Variants in NLGN1 observed in about 807,000 individuals in gnomAD.
The protein encoded by NLGN1 is neuroligin 1.
NLGN1 carries 12 observed loss-of-function variants against 65.5 expected under a neutral mutation model. The ratio of observed to expected loss-of-function variants is 0.18; its 90% CI spans 0.12 to 0.30. NLGN1 has a LOEUF of 0.30. Ranked by LOEUF, NLGN1 falls within the 10% of genes least tolerant of loss-of-function variation. The pLI is 1.00. For missense variants in NLGN1, 750 were observed against 1,007.1 expected (o/e 0.74, Z 3.46); for synonymous variants, 350 against 359.5 (o/e 0.97, Z 0.30).
chr3:173,847,963 A>G (rs1726116400), intron 4 of NLGN1, among the ~76,000 whole-genome samples: 1 of 152,210 alleles, frequency 6.6e-6, no homozygotes, highest in Admixed American at 6.5e-5. Context: ...CAGTCCAATG[A>G]ATGGAGATCA....
intron 4 of NLGN1, among the ~76,000 whole-genome samples, chr3:174,153,578 A>T (rs545332739): frequency 2.6e-4 from 39 of 152,302 alleles, no homozygotes; most frequent in African/African-American, 8.9e-4. Context: ...AACAGGAAAC[A>T]TCTTTGAAAT....
chr3:174,194,560 TAAAC>T (rs1025008510), intron 4 of NLGN1, among the ~76,000 whole-genome samples: 11 of 151,994 alleles, frequency 7.2e-5, no homozygotes, highest in South Asian at 4.1e-4. Context: ...TAGTCTAAGT[TAAAC>T]AAACCCAGAT....
At chr3:174,260,469 T>G (rs1746681811) in intron 4 of NLGN1, among the ~76,000 whole-genome samples, 1 of 152,018 alleles carries the variant, frequency 6.6e-6, no homozygotes, top group Non-Finnish European at 1.5e-5. Flanking sequence ...GTTTTTTGGC[T>G]GCATAAATGT....
intron 3 of NLGN1, among the ~76,000 whole-genome samples, chr3:173,712,826 A>G (rs1486687943): frequency 6.6e-6 from 1 of 152,048 alleles, no homozygotes; most frequent in Non-Finnish European, 1.5e-5. Flanking sequence ...AAAAAAATAT[A>G]CAGTCTGCTA....
At chr3:173,590,180 A>G (rs1254862250) in intron 2 of NLGN1, among the ~76,000 whole-genome samples, 2 of 152,186 alleles carry the variant, frequency 1.3e-5, no homozygotes, top group South Asian at 2.1e-4. Flanking sequence ...GCTAAAAGGA[A>G]TAAAAGTTCA....
At chr3:174,256,269 A>C (rs186766644) in intron 4 of NLGN1, among the ~76,000 whole-genome samples, 1 of 152,246 alleles carries the variant, frequency 6.6e-6, no homozygotes, top group Non-Finnish European at 1.5e-5. Flanking sequence ...CAACTTGTCA[A>C]GAGCGCCAAT....
chr3:174,238,942 A>G (rs1031773233), intron 4 of NLGN1, among the ~76,000 whole-genome samples: 5 of 152,136 alleles, frequency 3.3e-5, no homozygotes, highest in South Asian at 2.1e-4. Context: ...TTGCTACTCA[A>G]TGGGGTTGGT....
intron 4 of NLGN1, among the ~76,000 whole-genome samples, chr3:174,216,938 T>A (rs1323208560): frequency 6.6e-6 from 1 of 152,082 alleles, no homozygotes; most frequent in Non-Finnish European, 1.5e-5. Flanking sequence ...GAAAAAAACA[T>A]TTGAACAAGT....
At chr3:173,742,227 C>T (rs1043908878) in intron 3 of NLGN1, among the ~76,000 whole-genome samples, 1 of 151,986 alleles carries the variant, frequency 6.6e-6, no homozygotes, top group Non-Finnish European at 1.5e-5. Context: ...AACTAAAACT[C>T]ATGGAATTAT....
At chr3:173,845,702 G>A (rs571568509) in intron 4 of NLGN1, among the ~76,000 whole-genome samples, 11 of 152,208 alleles carry the variant, frequency 7.2e-5, no homozygotes, top group African/African-American at 2.6e-4. Context: ...AAATGTTAAA[G>A]CTGGTAGGTT....
At chr3:173,805,086 A>C (rs542049422) in intron 3 of NLGN1, among the ~76,000 whole-genome samples, 1 of 152,318 alleles carries the variant, frequency 6.6e-6, no homozygotes, top group African/African-American at 2.4e-5. Context: ...ATGCACTATT[A>C]AAGGCTTCCA....
intron 4 of NLGN1, among the ~76,000 whole-genome samples, chr3:173,906,976 C>A (rs1225472023): frequency 6.6e-6 from 1 of 151,314 alleles, no homozygotes; most frequent in African/African-American, 2.4e-5. Context: ...CAAATACTTA[C>A]AAAATAAATG....
At chr3:174,265,900 A>C (rs1023135748) in intron 4 of NLGN1, among the ~76,000 whole-genome samples, 8 of 138,626 alleles carry the variant, frequency 5.8e-5, no homozygotes, top group Admixed American at 3.7e-4. Flanking sequence ...ATATATGTAT[A>C]TATGTGTATA....
chr3:173,902,095 A>G (rs748351621), intron 4 of NLGN1, among the ~76,000 whole-genome samples: 1 of 152,116 alleles, frequency 6.6e-6, no homozygotes, highest in Non-Finnish European at 1.5e-5. Flanking sequence ...CCAAATCAGT[A>G]CTCACACTTT....
rs532355939 is a variant in NLGN1, at chr3:174,017,897, A to G, written c.646+210065A>G. Among the ~76,000 whole-genome samples the G allele has an allele frequency of 1.1e-4, 17 of 152,256 alleles. No homozygotes were observed. In the South Asian group the frequency reaches 2.9e-3, roughly 26 times the overall value. The stretch of plus-strand genomic sequence containing the variant: ...GTCATTGATAACATCTTATCAGGAG[A>G]CAGGGTTTGAGAGCAGACAACTGGT... On this transcript the variant is annotated intron_variant, in intron 4 of 6. Transcript: ENST00000457714.
intron 3 of NLGN1, among the ~76,000 whole-genome samples, chr3:173,715,595 C>G (rs1041087458): frequency 6.6e-6 from 1 of 152,046 alleles, no homozygotes; most frequent in East Asian, 1.9e-4. Context: ...ATTACAAACA[C>G]GTTTTTCTTT....
intron 3 of NLGN1, among the ~76,000 whole-genome samples, chr3:173,729,480 C>T (rs1482836082): frequency 1.3e-5 from 2 of 151,872 alleles, no homozygotes; most frequent in Non-Finnish European, 2.9e-5. Context: ...TTATTTTACC[C>T]AGGGACATAA....
chr3:173,536,579 C>A (rs1737473040), intron 2 of NLGN1, among the ~76,000 whole-genome samples: 1 of 152,166 alleles, frequency 6.6e-6, no homozygotes, highest in Non-Finnish European at 1.5e-5. Context: ...GTTGGAGAAC[C>A]AATACCTTAC....
At chr3:173,398,027 G>C (rs1034749522), upstream of NLGN1, 1 of 152,304 alleles carries the variant, frequency 6.6e-6, no homozygotes, top group African/African-American at 2.4e-5. Flanking sequence ...TGTGCCCTGG[G>C]ACCACAGAGA....
Sources: allele counts gnomAD v4.1 joint callset (sites outside exome capture counted in the v4.1 genomes callset), GRCh38; gene constraint gnomAD v4.1.1; transcripts MANE v1.5; gene names NCBI Gene and HGNC (gene_info 2026-07-23, HGNC 2026-07-21).